The following CNTN5 variants were observed in gnomAD, a reference collection of about 807,000 sequenced individuals.
CNTN5 encodes contactin 5, also known as contactin-5.
CNTN5 carries 77 observed loss-of-function variants against 129.1 expected under a neutral mutation model. The ratio of observed to expected loss-of-function variants is 0.60; its 90% confidence interval spans 0.50 to 0.72. The LOEUF is 0.72. Ranked by LOEUF, CNTN5 falls within the 30% of genes least tolerant of loss-of-function variation. CNTN5 has a pLI of 0.00. For missense variants in CNTN5, 1,478 were observed against 1,328.8 expected (o/e 1.11, Z -1.75); for synonymous variants, 509 against 465.6 (o/e 1.09, Z -1.20).
At chr11:99,804,404 A>G (rs764153291) in intron 3 of CNTN5, among the ~76,000 whole-genome samples, 3 of 151,946 alleles carry the variant, frequency 2.0e-5, no homozygotes, top group Non-Finnish European at 4.4e-5. Flanking sequence ...AAAAAATTAG[A>G]TTTTTAAACC....
intron 1 of CNTN5, among the ~76,000 whole-genome samples, chr11:99,281,172 G>C (rs1253326637): frequency 6.6e-6 from 1 of 151,798 alleles, no homozygotes; most frequent in Non-Finnish European, 1.5e-5. Context: ...ATTCAGACAG[G>C]ACAAAGAGAA....
chr11:99,636,136 A>G (rs674717), intron 3 of CNTN5, among the ~76,000 whole-genome samples: 1 of 151,758 alleles, frequency 6.6e-6, no homozygotes, highest in South Asian at 2.1e-4. Flanking sequence ...ATAGATACCC[A>G]TATGCATATA....
chr11:99,613,045 G>C (rs1197493484), intron 3 of CNTN5, among the ~76,000 whole-genome samples: 3 of 152,124 alleles, frequency 2.0e-5, no homozygotes, highest in Non-Finnish European at 4.4e-5. Context: ...TGGCAAAGTA[G>C]AGCTAGATTT....
intron 3 of CNTN5, among the ~76,000 whole-genome samples, chr11:99,632,039 G>T (rs1951375178): frequency 6.6e-6 from 1 of 152,116 alleles, no homozygotes; most frequent in Admixed American, 6.5e-5. Context: ...AAGAAACATA[G>T]TAATATAGAA....
At chr11:99,429,520 GGA>G (rs376778258) in intron 2 of CNTN5, among the ~76,000 whole-genome samples, 2 of 151,792 alleles carry the variant, frequency 1.3e-5, no homozygotes, top group African/African-American at 2.4e-5. Flanking sequence ...ACAGCAAAAG[GGA>G]GAGAGAGAGA....
intron 1 of CNTN5, among the ~76,000 whole-genome samples, chr11:99,137,447 G>A (rs552887060): frequency 8.8e-4 from 134 of 152,076 alleles, no homozygotes; most frequent in African/African-American, 3.1e-3. Flanking sequence ...CTCATTATAC[G>A]AGGTAGTTTC....
At chr11:99,067,314 C>T (rs1372025706) in intron 1 of CNTN5, among the ~76,000 whole-genome samples, 1 of 152,008 alleles carries the variant, frequency 6.6e-6, no homozygotes, top group Non-Finnish European at 1.5e-5. Flanking sequence ...TCAAAGCAGC[C>T]TCACATTTTT....
intron 3 of CNTN5, among the ~76,000 whole-genome samples, chr11:99,710,952 T>C (rs1170075922): frequency 6.6e-6 from 1 of 151,960 alleles, no homozygotes; most frequent in African/African-American, 2.4e-5. Flanking sequence ...CAATTAAATT[T>C]GATTTTCAAA....
intron 13 of CNTN5, among the ~76,000 whole-genome samples, chr11:100,139,827 T>C (rs61908129): frequency 0.19 from 29,096 of 151,856 alleles, 2,902 homozygotes; most frequent in Non-Finnish European, 0.22. Flanking sequence ...TTAGCCTGGG[T>C]GACAAGAGTG....
intron 1 of CNTN5, among the ~76,000 whole-genome samples, chr11:99,102,803 A>G (rs1866802950): frequency 6.6e-6 from 1 of 152,156 alleles, no homozygotes. Flanking sequence ...TCTGCCTGTT[A>G]CCCAGTTCCA....
chr11:100,341,198 G>T lies in CNTN5; in HGVS notation c.3023G>T (p.Gly1008Val), dbSNP rs192645816. 6.2e-7 allele frequency: 1 copy of T among 1,609,954 alleles called. No homozygotes were observed. Among genetic ancestry groups the T allele is most frequent in the East Asian group, 2.2e-5 (1 of 44,852 alleles). ...IPLANESEVV[G>V]YKVFYRQEGH... ...TTAGCCAACGAATCTGAAGTTGTGG[G>T]TTACAAGGTCAGTATTTCTTCACTC... is the stretch of plus-strand genomic sequence containing the variant. The change falls in exon 23 of 25, where the codon GGT becomes GTT. Residue 1008 changes from glycine (G) to valine (V), a missense_variant. Physicochemically the swap from Gly to Val is moderately radical, Grantham distance 109. Coordinates refer to ENST00000524871, the MANE Select transcript of CNTN5 (RefSeq NM_014361.4).
intron 3 of CNTN5, among the ~76,000 whole-genome samples, chr11:99,742,083 A>T (rs1943905105): frequency 6.6e-6 from 1 of 152,178 alleles, no homozygotes; most frequent in Admixed American, 6.5e-5. Context: ...TGCAAGCAAC[A>T]ACATAAAGAT....
At chr11:99,753,684 T>A (rs1170057284) in intron 3 of CNTN5, among the ~76,000 whole-genome samples, 4 of 116,658 alleles carry the variant, frequency 3.4e-5, no homozygotes, top group Non-Finnish European at 1.7e-5. Context: ...TAAAAAGAAA[T>A]CACTTCCTTT....
chr11:100,094,093 A>C (rs7928563), intron 13 of CNTN5, among the ~76,000 whole-genome samples: 2,841 of 152,218 alleles, frequency 0.019, 70 homozygotes, highest in African/African-American at 0.057. Context: ...TGAGAAAAGA[A>C]GGAATCTCTT....
chr11:99,217,745 C>T (rs1036885615), intron 1 of CNTN5, among the ~76,000 whole-genome samples: 6 of 151,996 alleles, frequency 3.9e-5, no homozygotes, highest in Non-Finnish European at 8.8e-5. Context: ...AATCTACCAA[C>T]CCACTCATCT....
At chr11:99,409,264 ACCAT>A (rs1359459315) in intron 2 of CNTN5, among the ~76,000 whole-genome samples, 1 of 152,192 alleles carries the variant, frequency 6.6e-6, no homozygotes, top group East Asian at 1.9e-4. Flanking sequence ...GGAGATCGAG[ACCAT>A]CCAAGCTAAC....
intron 2 of CNTN5, among the ~76,000 whole-genome samples, chr11:99,332,300 C>T (rs1866032313): frequency 5.1e-5 from 1 of 19,458 alleles, no homozygotes; most frequent in East Asian, 1.6e-3. Context: ...TCCACAATGT[C>T]TCAGTCTCAT....
intron 2 of CNTN5, among the ~76,000 whole-genome samples, chr11:99,338,485 A>G (rs1403838256): frequency 2.0e-5 from 3 of 152,140 alleles, no homozygotes; most frequent in African/African-American, 7.2e-5. Flanking sequence ...GGCAGAGAAC[A>G]GTTGTTCGTT....
chr11:100,336,472 A>G (rs1035624658), intron 21 of CNTN5, among the ~76,000 whole-genome samples: 1 of 152,208 alleles, frequency 6.6e-6, no homozygotes, highest in Non-Finnish European at 1.5e-5. Context: ...AAGTATAATT[A>G]TTTTAAATAC....
Sources: gnomAD v4.1 joint callset for allele counts (sites outside exome capture counted in the v4.1 genomes callset) on GRCh38, gnomAD v4.1.1 for gene constraint, MANE v1.5 for transcripts, NCBI Gene and HGNC (gene_info 2026-07-23, HGNC 2026-07-21) for gene names.